The following GAREM1 variants were observed in gnomAD, a reference collection of about 807,000 sequenced individuals.
GAREM1 encodes GRB2 associated regulator of MAPK1 subtype 1.
In GAREM1, 26 loss-of-function variants were observed where a neutral mutation model predicts 71.3. The ratio of observed to expected loss-of-function variants is 0.36; its 90% CI spans 0.27 to 0.51. The LOEUF is 0.51. GAREM1 is among the 20% of genes least tolerant of loss of function. The pLI, the probability that GAREM1 is intolerant of heterozygous loss-of-function variation, is 0.95. For synonymous variants in GAREM1, 440 were observed against 433.2 expected (o/e 1.02, Z -0.20); for missense variants, 1,026 against 1,103.1 (o/e 0.93, Z 0.99).
At chr18:32,456,399 C>T (rs1458862) in intron 1 of GAREM1, among the ~76,000 whole-genome samples, 2,054 of 152,100 alleles carry the variant, frequency 0.014, 42 homozygotes, top group African/African-American at 0.047. Context: ...AGCTTTATAT[C>T]GATTACGCTG....
Position 32,270,259 on chromosome 18 carries a change from G to T in GAREM1, c.1691C>A (p.Pro564His). Residue 564 changes from proline to histidine, a missense_variant, in exon 5 of 6, where the codon CCC becomes CAC. Coordinates refer to ENST00000269209, the MANE Select transcript of GAREM1 (RefSeq NM_001242409.2). ...AGAATAGTAGGACAAGGTGGGGCTG[G>T]GAGAGCGAGTCTGTTGCCGCGCTGG... ...VKPARQQTRS[P>H]SPTLSYYSSG... 6.2e-7 allele frequency: 1 copy of T among 1,614,022 alleles called. No individual in the cohort carries two copies. Among genetic ancestry groups the T allele is most frequent in the Non-Finnish European group, 8.5e-7 (1 of 1,179,962 alleles).
At chr18:32,460,243 G>T (rs1186079115) in intron 1 of GAREM1, among the ~76,000 whole-genome samples, 1 of 151,956 alleles carries the variant, frequency 6.6e-6, no homozygotes, top group Non-Finnish European at 1.5e-5. Flanking sequence ...CTCATAGAGG[G>T]TTACATTCCT....
chr18:32,386,322 TG>T (rs1316384342), intron 2 of GAREM1, among the ~76,000 whole-genome samples: 1 of 152,238 alleles, frequency 6.6e-6, no homozygotes, highest in Non-Finnish European at 1.5e-5. Context: ...ACTATAATTT[TG>T]CCCAAGAGAC....
intron 4 of GAREM1, among the ~76,000 whole-genome samples, chr18:32,286,084 T>C (rs1192025928): frequency 1.3e-5 from 2 of 152,218 alleles, no homozygotes; most frequent in Non-Finnish European, 2.9e-5. Flanking sequence ...AATAAATTAA[T>C]AGAATTACAC....
chr18:32,460,957 T>A (rs2048949756), intron 1 of GAREM1, among the ~76,000 whole-genome samples: 1 of 152,068 alleles, frequency 6.6e-6, no homozygotes, highest in Admixed American at 6.5e-5. Flanking sequence ...GAAAAATGAG[T>A]TGTACTTTCC....
At chr18:32,426,130 C>T (rs543765280) in intron 1 of GAREM1, among the ~76,000 whole-genome samples, 5 of 152,116 alleles carry the variant, frequency 3.3e-5, no homozygotes, top group East Asian at 1.9e-4. Context: ...GCAATTCTCC[C>T]GCCTCAGCCT....
At chr18:32,417,019 T>C (rs564291199) in intron 1 of GAREM1, among the ~76,000 whole-genome samples, 110 of 152,072 alleles carry the variant, frequency 7.2e-4, no homozygotes, top group Non-Finnish European at 4.0e-4. Context: ...AACAACTCTA[T>C]AGGAAAAAAA....
At chr18:32,387,613 C>G (rs997584768) in intron 2 of GAREM1, among the ~76,000 whole-genome samples, 1 of 152,174 alleles carries the variant, frequency 6.6e-6, no homozygotes, top group Non-Finnish European at 1.5e-5. Context: ...GACACATTCT[C>G]TCAGGATCAA....
intron 2 of GAREM1, among the ~76,000 whole-genome samples, chr18:32,382,631 G>T (rs11872666): frequency 0.013 from 1,930 of 152,220 alleles, 53 homozygotes; most frequent in African/African-American, 0.044. Flanking sequence ...TGGCTAGCTG[G>T]TAAAATAACA....
chr18:32,457,224 A>AGTGTGTGTGT (rs1309543369), intron 1 of GAREM1, among the ~76,000 whole-genome samples: 1,197 of 107,174 alleles, frequency 0.011, 9 homozygotes, highest in Middle Eastern at 0.02. Flanking sequence ...AGAGAGAGAG[A>AGTGTGTGTGT]GAGTGTGTGT....
chr18:32,429,674 C>T (rs553953461), intron 1 of GAREM1, among the ~76,000 whole-genome samples: 10 of 152,284 alleles, frequency 6.6e-5, no homozygotes, highest in South Asian at 2.1e-4. Flanking sequence ...GCTATGTTTC[C>T]GGCTTAGGTG....
intron 4 of GAREM1, among the ~76,000 whole-genome samples, chr18:32,273,240 A>C (rs1598919914): frequency 1.3e-5 from 2 of 152,342 alleles, no homozygotes; most frequent in South Asian, 4.1e-4. Flanking sequence ...AGCACTTTCA[A>C]AATTTTAGAA....
chr18:32,301,128 A>G (rs2047197549), intron 3 of GAREM1, among the ~76,000 whole-genome samples: 2 of 152,214 alleles, frequency 1.3e-5, no homozygotes, highest in African/African-American at 4.8e-5. Context: ...GTTTGGCATC[A>G]AGTTGCATTA....
At chr18:32,307,683 C>T (rs1250139266) in intron 3 of GAREM1, among the ~76,000 whole-genome samples, 2 of 152,068 alleles carry the variant, frequency 1.3e-5, no homozygotes, top group African/African-American at 4.8e-5. Context: ...GCCACCAGCC[C>T]AACTAATTTT....
intron 2 of GAREM1, among the ~76,000 whole-genome samples, chr18:32,392,132 A>G (rs2048206873): frequency 6.6e-6 from 1 of 152,112 alleles, no homozygotes; most frequent in African/African-American, 2.4e-5. Context: ...ATATTGAACA[A>G]TACTAGAGAA....
chr18:32,360,674 A>C (rs2047857219), intron 2 of GAREM1, among the ~76,000 whole-genome samples: 1 of 151,846 alleles, frequency 6.6e-6, no homozygotes, highest in Non-Finnish European at 1.5e-5. Flanking sequence ...CTTTCACAGG[A>C]CTCTTGTTTT....
chr18:32,296,271 T>A (rs934982076), intron 3 of GAREM1, among the ~76,000 whole-genome samples: 1 of 152,170 alleles, frequency 6.6e-6, no homozygotes, highest in African/African-American at 2.4e-5. Context: ...AGCTTTTTAT[T>A]TGGAATAATC....
chr18:32,458,377 C>G (rs541791540), intron 1 of GAREM1, among the ~76,000 whole-genome samples: 14 of 151,978 alleles, frequency 9.2e-5, no homozygotes, highest in Non-Finnish European at 1.0e-4. Flanking sequence ...TGATTTCATA[C>G]AATGCAAGGG....
chr18:32,342,524 C>T (rs964620233), intron 2 of GAREM1, among the ~76,000 whole-genome samples: 2 of 152,200 alleles, frequency 1.3e-5, no homozygotes, highest in Non-Finnish European at 2.9e-5. Context: ...AGGCAGCGCT[C>T]TCTCCTGTGT....
Sources: gnomAD v4.1 joint callset for allele counts (sites outside exome capture counted in the v4.1 genomes callset) on GRCh38, gnomAD v4.1.1 for gene constraint, MANE v1.5 for transcripts, NCBI Gene and HGNC (gene_info 2026-07-23, HGNC 2026-07-21) for gene names.